Variants in NCALD observed in about 807,000 individuals in gnomAD.
NCALD encodes neurocalcin delta.
A neutral mutation model predicts 18.6 loss-of-function variants in NCALD; 10 were observed. The observed-to-expected ratio is 0.54, with a 90% CI of 0.33 to 0.91. The LOEUF is 0.91. Ranked by LOEUF, NCALD falls within the 40% of genes least tolerant of loss-of-function variation. The pLI, the probability that NCALD is intolerant of heterozygous loss-of-function variation, is 0.03. For synonymous variants in NCALD, 88 were observed against 87.4 expected, an observed-to-expected ratio of 1.01 and a Z score of -0.04; for missense variants, 184 against 247.6, an observed-to-expected ratio of 0.74 and a Z score of 1.72.
chr8:101,734,841 ATC>A, intron 1 of NCALD, among the ~76,000 whole-genome samples: 1 of 152,372 alleles, frequency 6.6e-6, no homozygotes, highest in Non-Finnish European at 1.5e-5. Context: ...CAGTAAAGAA[ATC>A]TGTGTCATTA....
chr8:101,913,739 C>T (rs578078383), intron 3 of NCALD, among the ~76,000 whole-genome samples: 7 of 152,204 alleles, frequency 4.6e-5, no homozygotes, highest in East Asian at 1.9e-4. Context: ...TGCACCACCA[C>T]GCCCAGCTAA....
chr8:101,720,936 G>A (rs1350923112), intron 1 of NCALD, among the ~76,000 whole-genome samples: 2 of 152,216 alleles, frequency 1.3e-5, no homozygotes, highest in Non-Finnish European at 2.9e-5. Context: ...GGTGGTAACA[G>A]TGAGGGGACG....
chr8:101,751,906 C>G (rs10505012), intron 1 of NCALD, among the ~76,000 whole-genome samples: 93,034 of 152,008 alleles, frequency 0.61, 31,380 homozygotes, highest in Non-Finnish European at 0.75. Context: ...TTTATGACCA[C>G]GAATATTATT....
At position 101,964,228 on chromosome 8, in the gene NCALD, G is replaced by A. The variant is rs192813884; in HGVS notation, c.-156-48370C>T. On this transcript the variant is annotated intron_variant, in intron 2 of 6. Coordinates refer to the NCALD transcript ENST00000311028. ...TGGCTTGCCTCTAGACACACCCCCC[G>A]ACTTTGACATCAGCTTATATTAATC... Among the ~76,000 whole-genome samples, 24 of 152,100 alleles carry A rather than the reference G, an allele frequency of 1.6e-4. No individual in the cohort carries two copies. In the East Asian group the frequency reaches 3.1e-3, roughly 20 times the overall value.
intron 2 of NCALD, among the ~76,000 whole-genome samples, chr8:101,937,648 G>C (rs1818813143): frequency 6.6e-6 from 1 of 151,966 alleles, no homozygotes; most frequent in African/African-American, 2.4e-5. Context: ...AAATTCACAG[G>C]GTCACACCTT....
chr8:101,896,222 C>A (rs1817164326), intron 3 of NCALD, among the ~76,000 whole-genome samples: 1 of 152,046 alleles, frequency 6.6e-6, no homozygotes, highest in South Asian at 2.1e-4. Flanking sequence ...ATATCTACAA[C>A]CATCTGATCT....
At chr8:101,839,710 T>C (rs1036321453) in intron 4 of NCALD, among the ~76,000 whole-genome samples, 8 of 152,154 alleles carry the variant, frequency 5.3e-5, no homozygotes. Flanking sequence ...GGGATGGGTA[T>C]GGATAAAGTC....
At chr8:101,884,067 T>A (rs918775521) in intron 4 of NCALD, among the ~76,000 whole-genome samples, 3 of 152,236 alleles carry the variant, frequency 2.0e-5, no homozygotes, top group African/African-American at 7.2e-5. Flanking sequence ...CCCCATAGGA[T>A]GCCCGCCTTG....
At chr8:101,917,740 C>A (rs934836755) in intron 2 of NCALD, among the ~76,000 whole-genome samples, 1 of 152,010 alleles carries the variant, frequency 6.6e-6, no homozygotes, top group Non-Finnish European at 1.5e-5. Flanking sequence ...TGGGTAAATT[C>A]CTGGAAACAC....
chr8:101,699,275 G>A (rs1563666712), intron 2 of NCALD, among the ~76,000 whole-genome samples: 1 of 152,198 alleles, frequency 6.6e-6, no homozygotes, highest in Non-Finnish European at 1.5e-5. Context: ...ATGCTGGTGA[G>A]GCTGTGGGGA....
chr8:101,941,779 C>T (rs747997147), intron 2 of NCALD, among the ~76,000 whole-genome samples: 21 of 151,998 alleles, frequency 1.4e-4, no homozygotes, highest in Non-Finnish European at 2.5e-4. Flanking sequence ...ACAGCAATTT[C>T]GAAAATAAGA....
At chr8:101,764,698 A>G (rs1002787887) in intron 1 of NCALD, among the ~76,000 whole-genome samples, 1 of 152,228 alleles carries the variant, frequency 6.6e-6, no homozygotes, top group African/African-American at 2.4e-5. Flanking sequence ...TAATGTCATT[A>G]GCTGCCATTT....
At chr8:101,814,096 A>G (rs941890147) in intron 4 of NCALD, among the ~76,000 whole-genome samples, 1 of 152,100 alleles carries the variant, frequency 6.6e-6, no homozygotes, top group African/African-American at 2.4e-5. Context: ...GGAAGAAGTT[A>G]TACCAATTCT....
At chr8:102,066,925 T>C (rs760866187) in intron 1 of NCALD, among the ~76,000 whole-genome samples, 2 of 152,220 alleles carry the variant, frequency 1.3e-5, no homozygotes, top group Non-Finnish European at 2.9e-5. Flanking sequence ...TCCTCTAAGC[T>C]CTACCCATCT....
chr8:102,063,413 G>T (rs574136084), intron 1 of NCALD, among the ~76,000 whole-genome samples: 1 of 152,056 alleles, frequency 6.6e-6, no homozygotes, highest in Non-Finnish European at 1.5e-5. Flanking sequence ...ACTCAGGACC[G>T]ACCAATGCTC....
At chr8:102,031,975 C>T (rs929227845) in intron 1 of NCALD, among the ~76,000 whole-genome samples, 2 of 152,142 alleles carry the variant, frequency 1.3e-5, no homozygotes, top group African/African-American at 4.8e-5. Context: ...AAACCAGCCT[C>T]TTCTGCTAAT....
intron 1 of NCALD, among the ~76,000 whole-genome samples, chr8:101,755,794 C>T (rs947229888): frequency 6.6e-6 from 1 of 152,206 alleles, no homozygotes; most frequent in Admixed American, 6.5e-5. Flanking sequence ...TGTGACTAAC[C>T]ATTTACTTTT....
At chr8:101,903,292 G>T (rs1309079479) in intron 3 of NCALD, among the ~76,000 whole-genome samples, 1 of 151,706 alleles carries the variant, frequency 6.6e-6, no homozygotes, top group Non-Finnish European at 1.5e-5. Flanking sequence ...CGCCTCTCGG[G>T]TTCAAGTGAT....
At chr8:101,841,165 C>T (rs1224055128) in intron 4 of NCALD, among the ~76,000 whole-genome samples, 1 of 152,166 alleles carries the variant, frequency 6.6e-6, no homozygotes, top group African/African-American at 2.4e-5. Context: ...CTGCACAAAT[C>T]TTTCTAATTC....
Sources: allele counts gnomAD v4.1 joint callset (sites outside exome capture counted in the v4.1 genomes callset), GRCh38; gene constraint gnomAD v4.1.1; transcripts MANE v1.5; gene names NCBI Gene and HGNC (gene_info 2026-07-23, HGNC 2026-07-21).